RBFOX1: variants seen among roughly 807,000 people sequenced by gnomAD.
RBFOX1 encodes the protein RNA binding fox-1 homolog 1, also known as RNA binding protein fox-1 homolog 1.
A neutral mutation model predicts 57.7 loss-of-function variants in RBFOX1; 8 were observed. The ratio of observed to expected loss-of-function variants is 0.14; its 90% CI spans 0.08 to 0.25. RBFOX1 has a LOEUF of 0.25. RBFOX1 is among the 10% of genes least tolerant of loss of function. The pLI is 1.00. For synonymous variants in RBFOX1, 326 were observed against 222.4 expected (o/e 1.47, Z -4.15); for missense variants, 611 against 548.5 (o/e 1.11, Z -1.14).
chr16:6,914,612 G>A (rs529648934), intron 3 of RBFOX1, among the ~76,000 whole-genome samples: 23 of 151,950 alleles, frequency 1.5e-4, no homozygotes, highest in Admixed American at 5.9e-4. Flanking sequence ...AGTGGCTCAC[G>A]CCTCTAATCG....
In RBFOX1 at chr16:7,348,088, G is replaced by A. The variant is rs368789835; in HGVS notation, c.28-170059G>A. ...AACAGAAAATTCACTTTGCAAAACT[G>A]TTTTAAAACATTGTTGCTTACTTTT... On this transcript the variant is annotated intron_variant, in intron 4 of 15. Coordinates refer to ENST00000550418, the MANE Select transcript of RBFOX1 (RefSeq NM_018723.4). Among the ~76,000 whole-genome samples the A allele has an allele frequency of 1.2e-3, 189 of 152,322 alleles. 1 individual carries two copies. The highest frequency in any genetic ancestry group is 4.4e-3 in the African/African-American group (184 of 41,578).
At chr16:5,739,788 G>A (rs568373787) in intron 3 of RBFOX1, among the ~76,000 whole-genome samples, 1 of 152,350 alleles carries the variant, frequency 6.6e-6, no homozygotes, top group East Asian at 1.9e-4. Context: ...GCCCCACGTT[G>A]GGGCCTCCTC....
intron 3 of RBFOX1, among the ~76,000 whole-genome samples, chr16:5,780,721 C>A (rs1342125791): frequency 6.6e-6 from 1 of 152,188 alleles, no homozygotes; most frequent in Non-Finnish European, 1.5e-5. Context: ...TTCTGAAATT[C>A]CACCGTTAAG....
chr16:6,355,541 A>G (rs2087148171), intron 2 of RBFOX1, among the ~76,000 whole-genome samples: 2 of 152,300 alleles, frequency 1.3e-5, no homozygotes, highest in East Asian at 1.9e-4. Flanking sequence ...TTATTGAGGG[A>G]CATTTGGGTT....
At chr16:6,543,153 A>T (rs567747074) in intron 2 of RBFOX1, among the ~76,000 whole-genome samples, 1 of 152,140 alleles carries the variant, frequency 6.6e-6, no homozygotes, top group East Asian at 1.9e-4. Context: ...GCACATTTGT[A>T]CCCCATCCCT....
chr16:6,480,916 T>C (rs1236064402), intron 2 of RBFOX1, among the ~76,000 whole-genome samples: 1 of 152,218 alleles, frequency 6.6e-6, no homozygotes, highest in Non-Finnish European at 1.5e-5. Flanking sequence ...TGATATGCCA[T>C]ATTTTTAATG....
chr16:6,173,724 C>T (rs1040502311), intron 1 of RBFOX1, among the ~76,000 whole-genome samples: 2 of 151,612 alleles, frequency 1.3e-5, no homozygotes, highest in African/African-American at 4.9e-5. Flanking sequence ...ATTCTCCCGC[C>T]TGAACCTCCA....
At chr16:5,961,183 G>A (rs964890235) in intron 4 of RBFOX1, among the ~76,000 whole-genome samples, 3 of 151,830 alleles carry the variant, frequency 2.0e-5, no homozygotes, top group African/African-American at 7.3e-5. Flanking sequence ...TTTTCATTTG[G>A]GGCATATTCT....
intron 4 of RBFOX1, among the ~76,000 whole-genome samples, chr16:7,085,585 A>G (rs1481366348): frequency 6.6e-6 from 1 of 152,064 alleles, no homozygotes; most frequent in Non-Finnish European, 1.5e-5. Flanking sequence ...CAATGAATGA[A>G]CATATGCCTG....
chr16:6,379,681 C>CA (rs5815304), intron 2 of RBFOX1, among the ~76,000 whole-genome samples: 9,931 of 96,342 alleles, frequency 0.1, 496 homozygotes, highest in Middle Eastern at 0.28. Context: ...ATTTAGCTAC[C>CA]AAAAAAAAAA....
At chr16:6,643,410 G>C (rs796081052) in intron 2 of RBFOX1, among the ~76,000 whole-genome samples, 7 of 114,642 alleles carry the variant, frequency 6.1e-5, no homozygotes, top group Admixed American at 2.2e-4. Flanking sequence ...CTTGGTTTTT[G>C]TTTGTTTGTT....
chr16:6,882,140 T>C (rs556787589), intron 3 of RBFOX1, among the ~76,000 whole-genome samples: 1 of 152,250 alleles, frequency 6.6e-6, no homozygotes, highest in Non-Finnish European at 1.5e-5. Flanking sequence ...AGGCTGCTGA[T>C]GGTCTTAGAT....
chr16:6,996,356 G>A (rs1180621937), intron 3 of RBFOX1, among the ~76,000 whole-genome samples: 1 of 151,946 alleles, frequency 6.6e-6, no homozygotes, highest in Non-Finnish European at 1.5e-5. Context: ...CTGTTCTGTG[G>A]TTTTGTGCAT....
intron 5 of RBFOX1, among the ~76,000 whole-genome samples, chr16:7,540,448 A>G (rs1052777711): frequency 6.6e-6 from 1 of 152,208 alleles, no homozygotes; most frequent in Admixed American, 6.5e-5. Context: ...ACTCTGTGTT[A>G]TTTATCATCA....
At chr16:7,151,409 A>T (rs2076083174) in intron 4 of RBFOX1, among the ~76,000 whole-genome samples, 1 of 152,128 alleles carries the variant, frequency 6.6e-6, no homozygotes, top group African/African-American at 2.4e-5. Flanking sequence ...GGCAGGGTAA[A>T]GGGGTTAAAC....
At chr16:5,515,032 A>G (rs138913447) in intron 2 of RBFOX1, among the ~76,000 whole-genome samples, 2,036 of 152,280 alleles carry the variant, frequency 0.013, 59 homozygotes, top group African/African-American at 0.047. Flanking sequence ...AGGGAGGAGC[A>G]AGGTCCCAGA....
chr16:6,531,822 T>C (rs961143359), intron 2 of RBFOX1, among the ~76,000 whole-genome samples: 2 of 152,206 alleles, frequency 1.3e-5, no homozygotes, highest in African/African-American at 4.8e-5. Flanking sequence ...AATTAGACAC[T>C]GCAGTTAATT....
intron 14 of RBFOX1, among the ~76,000 whole-genome samples, chr16:7,690,407 C>G (rs575040881): frequency 6.6e-6 from 1 of 152,166 alleles, no homozygotes; most frequent in African/African-American, 2.4e-5. Context: ...AGCTTGGTAA[C>G]CAGAAATTTT....
intron 3 of RBFOX1, among the ~76,000 whole-genome samples, chr16:5,646,390 C>T (rs764473972): frequency 8.5e-5 from 13 of 152,214 alleles, no homozygotes; most frequent in South Asian, 2.1e-4. Flanking sequence ...CCTCCTACCT[C>T]GGCCTCCTAA....
Sources: allele counts gnomAD v4.1 joint callset (sites outside exome capture counted in the v4.1 genomes callset), GRCh38; gene constraint gnomAD v4.1.1; transcripts MANE v1.5; gene names NCBI Gene and HGNC (gene_info 2026-07-23, HGNC 2026-07-21).